P3H1: variants seen among roughly 807,000 people sequenced by gnomAD.
The protein encoded by P3H1 is prolyl 3-hydroxylase 1, also known as growth suppressor 1.
In P3H1, 69 loss-of-function variants were observed where a neutral mutation model predicts 84.0. The ratio of observed to expected loss-of-function variants is 0.82; its 90% confidence interval spans 0.68 to 1.00. P3H1 has a LOEUF of 1.00. P3H1 is among the 50% of genes least tolerant of loss of function. The pLI, the probability that P3H1 is intolerant of heterozygous loss-of-function variation, is 0.00. For missense variants in P3H1, 878 were observed against 962.8 expected (o/e 0.91, Z 1.17); for synonymous variants, 366 against 388.8 (o/e 0.94, Z 0.69).
chr1:42,759,177 G>A, intron 3 of P3H1, 24 bp downstream of exon 3: 2 of 1,613,438 alleles, frequency 1.2e-6, no homozygotes, highest in Non-Finnish European at 1.7e-6. Context: ...CCTGGCTGAA[G>A]GTCTGGCTCT....
chr1:42,748,247 G>A lies in P3H1; in HGVS notation c.1791C>T (p.Thr597=). 6.2e-7 allele frequency: 1 copy of A among 1,613,970 alleles called. No homozygotes were observed. The highest frequency in any genetic ancestry group is 8.5e-7 in the Non-Finnish European group (1 of 1,179,998). The change falls in exon 12 of 15, where the codon ACC becomes ACT. Residue 597 remains threonine, a synonymous_variant. Transcript: ENST00000296388. The stretch of plus-strand genomic sequence containing the variant: ...CTGGGGGCTCTTTGACACACACGAG[G>A]GTCTCGGCATTCAGGATGCAGTTGT... The part of the protein sequence containing the change: ...HVDNCILNAE[T]LVCVKEPPAY...
chr1:42,756,854 C>T (rs1265242888), intron 5 of P3H1, among the ~76,000 whole-genome samples: 1 of 152,248 alleles, frequency 6.6e-6, no homozygotes, highest in Non-Finnish European at 1.5e-5. Context: ...CAGATGCTAA[C>T]AGTCCTCATC....
Position 42,746,740 on chromosome 1 carries a change from T to C in P3H1, c.2168A>G (p.Glu723Gly). ...CTTCGATTCACTGCCTGAGAGAGAC[T>C]CTTGTGCAGGTTCGGGGGGGCCCTG... ...AQQGPPEPAQ[E>G]SLSGSESKPK... Residue 723 changes from glutamate to glycine, a missense_variant, in exon 15 of 15, where the codon GAG becomes GGG. Coordinates refer to ENST00000296388, the MANE Select transcript of P3H1 (RefSeq NM_022356.4). 1 of 1,552,640 alleles carries C rather than the reference T, an allele frequency of 6.4e-7. No homozygotes were observed. The highest frequency in any genetic ancestry group is 8.7e-7 in the Non-Finnish European group (1 of 1,147,508).
intron 11 of P3H1, among the ~76,000 whole-genome samples, chr1:42,749,437 C>CA (rs1651911568): frequency 6.6e-6 from 1 of 152,204 alleles, no homozygotes; most frequent in African/African-American, 2.4e-5. Context: ...CCTTCTTGGA[C>CA]ATGCAAAAGG....
intron 6 of P3H1, 29 bp downstream of exon 6, chr1:42,755,519 T>C (rs779652267): frequency 6.4e-7 from 1 of 1,569,216 alleles, no homozygotes; most frequent in South Asian, 1.1e-5. Flanking sequence ...CTTTCCCCGC[T>C]CCCTTCCGGC....
rs371021540 is a variant in P3H1, at chr1:42,759,461, T to C, written c.619-71A>G. On this transcript the variant is annotated intron_variant, in intron 2 of 14. Transcript: ENST00000296388. ...CCCTCTCTCCTTGCCCTCAGCCACC[T>C]TCACAGGGGTCCTAATTTCCTGTTC... 117 of 1,345,640 alleles carry C rather than the reference T, an allele frequency of 8.7e-5. No homozygotes were observed. In the African/African-American group the frequency reaches 1.6e-3, roughly 18 times the overall value. 83.4% of individuals were successfully genotyped at this position (1,345,640 alleles called of 1,614,324 possible).
intron 11 of P3H1, 131 bp downstream of exon 11, chr1:42,750,054 AC>A: frequency 9.3e-7 from 1 of 1,077,686 alleles, no homozygotes; most frequent in Admixed American, 2.1e-5. Flanking sequence ...CTGGGATGCC[AC>A]CCATGTATTT....
At position 42,757,895 on chromosome 1, in the gene P3H1, C is replaced by T; in HGVS notation, c.968G>A (p.Cys323Tyr). 1 of 1,614,212 alleles carries T rather than the reference C, an allele frequency of 6.2e-7. No homozygotes were observed. The highest frequency in any genetic ancestry group is 8.5e-7 in the Non-Finnish European group (1 of 1,180,034). Residue 323 changes from cysteine (C) to tyrosine (Y), a missense_variant, in exon 5 of 15, where the codon TGT becomes TAT. Physicochemically the swap from Cys to Tyr is radical, Grantham distance 194 (BLOSUM62 -2). Transcript: ENST00000296388. Reference protein sequence around the residue: ...NIGNYTQAVECAKTYLLFFPN... With the variant: ...NIGNYTQAVEYAKTYLLFFPN... ...GAAGAAGAGAAGATAGGTCTTGGCACATTCAACAGCCTGTGTATAATTCCC... is the reference window on the plus strand; with the variant it reads ...GAAGAAGAGAAGATAGGTCTTGGCATATTCAACAGCCTGTGTATAATTCCC...
Position 42,754,750 on chromosome 1 carries a change from G to T in P3H1, c.1345+119C>A. Reference sequence around the variant, plus strand: ...GATGTCCACTGAACTTGCACCCTAAGGGTGGCTGGCTCATGGTGAGCTCTG... The same window carrying T: ...GATGTCCACTGAACTTGCACCCTAATGGTGGCTGGCTCATGGTGAGCTCTG... On this transcript the variant is annotated intron_variant, in intron 8 of 14. Transcript: ENST00000296388. The surrounding 1 kb of genome is among the most constrained non-coding windows in gnomAD (Gnocchi z 4.0). 2.2e-6 allele frequency: 3 copies of T among 1,352,654 alleles called. No individual in the cohort carries two copies. Among genetic ancestry groups the T allele is most frequent in the Non-Finnish European group, 3.1e-6 (3 of 953,456 alleles). The allele number at this position is 1,352,654 out of a possible 1,614,324, so 83.8% of individuals were successfully genotyped here. A position where few individuals can be genotyped will look rare whatever the true frequency, so the allele number is the denominator to read the frequency against.
intron 8 of P3H1, among the ~76,000 whole-genome samples, chr1:42,753,824 G>C (rs1180059812): frequency 6.6e-6 from 1 of 152,068 alleles, no homozygotes; most frequent in Admixed American, 6.6e-5. Context: ...TTGGGAGGCT[G>C]AGGCAGGAGA....
In P3H1 at chr1:42,758,969, C is replaced by T. The variant is rs757596418; in HGVS notation, c.823G>A (p.Val275Ile). The change falls in exon 4 of 15, where the codon GTC becomes ATC. Residue 275 changes from valine (V) to isoleucine (I), a missense_variant. Val to Ile is a conservative substitution (Grantham distance 29). Transcript: ENST00000296388. ...ACACAGTTCTGCTTACAGTTGAGGACCTGGATGTAATGATCTGAAAGGAAT... is the reference window on the plus strand; with the variant it reads ...ACACAGTTCTGCTTACAGTTGAGGATCTGGATGTAATGATCTGAAAGGAAT... ...FQAITDHYIQVLNCKQNCVTE... is the reference protein window; with the variant it reads ...FQAITDHYIQILNCKQNCVTE... The T allele has an allele frequency of 2.5e-6, 4 of 1,614,070 alleles. No homozygotes were observed. Among genetic ancestry groups the T allele is most frequent in the Non-Finnish European group, 3.4e-6 (4 of 1,180,022 alleles).
intron 8 of P3H1, among the ~76,000 whole-genome samples, chr1:42,753,631 A>G (rs1165924986): frequency 2.6e-5 from 4 of 152,200 alleles, no homozygotes; most frequent in African/African-American, 9.6e-5. Context: ...GAGGTTAAGA[A>G]AGGCTTTACG....
Position 42,750,512 on chromosome 1 carries a change from A to G in P3H1, c.1570-176T>C, listed in dbSNP as rs11576228. Among the ~76,000 whole-genome samples the G allele has an allele frequency of 0.064, 9,785 of 152,256 alleles. 403 individuals are homozygous for G. The highest frequency in any genetic ancestry group is 0.097 in the South Asian group (467 of 4,826). ...TCCCGTGCTGTTCTCATAATACTGA[A>G]TAAGTCTCACGAGATCTGGTGGCTT... is the stretch of plus-strand genomic sequence containing the variant. On this transcript the variant is annotated intron_variant, in intron 10 of 14. Coordinates refer to ENST00000296388, the MANE Select transcript of P3H1 (RefSeq NM_022356.4).
chr1:42,762,106 C>G (rs966048507), intron 2 of P3H1: 1 of 534,702 alleles, frequency 1.9e-6, no homozygotes, highest in African/African-American at 1.9e-5. Context: ...AGAAAACAAC[C>G]TTAGTAATGT....
At chr1:42,758,682 T>C (rs1198570562) in intron 4 of P3H1, among the ~76,000 whole-genome samples, 170 bp downstream of exon 4, 2 of 152,256 alleles carry the variant, frequency 1.3e-5, no homozygotes, top group African/African-American at 2.4e-5. Flanking sequence ...ATTGGCTTCC[T>C]AGGCCAGTTG....
In P3H1 at chr1:42,754,976, G is replaced by A; in HGVS notation, c.1238C>T (p.Thr413Ile). 2 of 1,614,186 alleles carry A rather than the reference G, an allele frequency of 1.2e-6. No homozygotes were observed. The highest frequency in any genetic ancestry group is 1.7e-6 in the Non-Finnish European group (2 of 1,180,036). Reference sequence around the variant, plus strand: ...AATCTCCTGGGAGATGCGTACGGCTGTTTCCCGTTCTGACCTATGAGCACA... The same window carrying A: ...AATCTCCTGGGAGATGCGTACGGCTATTTCCCGTTCTGACCTATGAGCACA... ...LQEKQKSERE[T>I]AVRISQEIGN... Residue 413 changes from threonine to isoleucine, a missense_variant, in exon 8 of 15, where the codon ACA becomes ATA. Thr to Ile is a moderately conservative substitution (Grantham distance 89). Transcript: ENST00000296388. The surrounding 1 kb of genome is among the most constrained non-coding windows in gnomAD (Gnocchi z 4.0).
At chr1:42,751,169 G>C (rs369569473) in intron 10 of P3H1, among the ~76,000 whole-genome samples, 20 of 135,268 alleles carry the variant, frequency 1.5e-4, no homozygotes, top group African/African-American at 4.2e-4. Context: ...GGATGGTTGC[G>C]GGGTCTGTGT....
At chr1:42,757,149 T>C (rs1055076425) in intron 5 of P3H1, among the ~76,000 whole-genome samples, 1 of 152,136 alleles carries the variant, frequency 6.6e-6, no homozygotes, top group African/African-American at 2.4e-5. Context: ...TAAAGCCAGA[T>C]GGTCACCATC....
At position 42,748,317 on chromosome 1, in the gene P3H1, T is replaced by G; in HGVS notation, c.1721A>C (p.Glu574Ala). 6.2e-7 allele frequency: 1 copy of G among 1,610,082 alleles called. No individual in the cohort carries two copies. Among genetic ancestry groups the G allele is most frequent in the African/African-American group, 1.3e-5 (1 of 74,942 alleles). Residue 574 changes from glutamate to alanine, a missense_variant and splice_region_variant, in exon 12 of 15, where the codon GAG (glutamate) becomes GCG (alanine). Transcript: ENST00000296388. ...ATCATCCTTCCTCTCTGCCTGGACC[T>G]CTGGGGCCAATGTCACACATGTTAG... ...SHLVCRTAIEEVQAERKDDSH... is the reference protein window; with the variant it reads ...SHLVCRTAIEAVQAERKDDSH...
Sources: allele counts gnomAD v4.1 joint callset (sites outside exome capture counted in the v4.1 genomes callset), GRCh38; gene constraint gnomAD v4.1.1; non-coding constraint Gnocchi (gnomAD v3.1); transcripts MANE v1.5; gene names NCBI Gene and HGNC (gene_info 2026-07-23, HGNC 2026-07-21).